ASTN2: variants seen among roughly 807,000 people sequenced by gnomAD.
ASTN2 encodes astrotactin 2, also known as astrotactin-2.
ASTN2 carries 54 observed loss-of-function variants against 139.8 expected under a neutral mutation model. That is an observed-to-expected ratio of 0.39 (90% CI 0.31 to 0.48). The LOEUF is 0.48. Ranked by LOEUF, ASTN2 falls within the 20% of genes least tolerant of loss-of-function variation. ASTN2 has a pLI of 0.95. For synonymous variants in ASTN2, 756 were observed against 719.5 expected (o/e 1.05, Z -0.81); for missense variants, 1,565 against 1,725.1 (o/e 0.91, Z 1.64).
intron 5 of ASTN2, among the ~76,000 whole-genome samples, chr9:117,093,672 G>A (rs1376894651): frequency 1.3e-5 from 2 of 152,112 alleles, no homozygotes; most frequent in African/African-American, 2.4e-5. Context: ...GAAGAATTGC[G>A]GGACTTGCAG....
At chr9:117,302,328 T>A (rs1208297060) in intron 1 of ASTN2, among the ~76,000 whole-genome samples, 1 of 152,072 alleles carries the variant, frequency 6.6e-6, no homozygotes, top group Non-Finnish European at 1.5e-5. Context: ...TTTACTAATA[T>A]GTTAAATAAG....
intron 22 of ASTN2, among the ~76,000 whole-genome samples, chr9:116,435,347 A>G (rs143964067): frequency 6.6e-6 from 1 of 152,292 alleles, no homozygotes; most frequent in African/African-American, 2.4e-5. Flanking sequence ...ATACTTGCTA[A>G]TCCTTGAAAG....
At chr9:116,426,416 G>A (rs1261732319) in intron 22 of ASTN2, among the ~76,000 whole-genome samples, 1 of 152,102 alleles carries the variant, frequency 6.6e-6, no homozygotes, top group African/African-American at 2.4e-5. Flanking sequence ...AAAGCAACAA[G>A]AACAACCAAA....
chr9:117,324,273 CAA>C (rs1828438461), intron 1 of ASTN2, among the ~76,000 whole-genome samples: 1 of 152,104 alleles, frequency 6.6e-6, no homozygotes, highest in Non-Finnish European at 1.5e-5. Flanking sequence ...ACAATAGATC[CAA>C]ATATGGATGG....
In ASTN2 at chr9:116,428,296, C is replaced by T. The variant is rs899102126; in HGVS notation, c.3783-2208G>A. Among the ~76,000 whole-genome samples the T allele has an allele frequency of 3.3e-5, 5 of 152,090 alleles. 1 individual carries two copies. The highest frequency in any genetic ancestry group is 2.1e-4 in the South Asian group (1 of 4,828). ...ATCCCAGCACTTTAGGAGGCCAAGG[C>T]GGGTGGATCACAAAGTCAGAAGTTC... is the stretch of plus-strand genomic sequence containing the variant. On this transcript the variant is annotated intron_variant, in intron 22 of 22. Coordinates refer to ENST00000313400, the MANE Select transcript of ASTN2 (RefSeq NM_001365068.1).
At chr9:116,518,227 C>A (rs542136647) in intron 19 of ASTN2, among the ~76,000 whole-genome samples, 3 of 152,186 alleles carry the variant, frequency 2.0e-5, no homozygotes, top group Non-Finnish European at 2.9e-5. Flanking sequence ...AAAATCAGGA[C>A]AAAGGAAAGA....
At chr9:116,938,555 C>A (rs953218696) in intron 10 of ASTN2, among the ~76,000 whole-genome samples, 26 of 152,138 alleles carry the variant, frequency 1.7e-4, no homozygotes, top group Non-Finnish European at 2.9e-4. Context: ...CAATACCCCC[C>A]ACTCCAAAGC....
intron 1 of ASTN2, among the ~76,000 whole-genome samples, chr9:117,339,976 G>T (rs1260874909): frequency 6.6e-6 from 1 of 151,782 alleles, no homozygotes; most frequent in Non-Finnish European, 1.5e-5. Context: ...GGGAACTGAG[G>T]CCTGTTGAGG....
rs375539172 is a variant in ASTN2 at position 116,437,538 on chromosome 9, G to A, written c.3782+3071C>T. The A allele has an allele frequency of 6.3e-4, 297 of 471,248 alleles. 1 individual carries two copies. Among genetic ancestry groups the A allele is most frequent in the African/African-American group, 3.7e-3 (186 of 50,170 alleles). The allele number at this position is 471,248 out of a possible 1,614,324, so 29.2% of individuals were successfully genotyped here. On this transcript the variant is annotated intron_variant, in intron 22 of 22. Transcript: ENST00000313400. ...ATTGCCTGGCCTCTGTGGGCGGCCC[G>A]GCCGCCTTTCCAGAAGATTTATGTC...
At chr9:116,858,387 C>T (rs1302162044) in intron 11 of ASTN2, among the ~76,000 whole-genome samples, 1 of 152,166 alleles carries the variant, frequency 6.6e-6, no homozygotes, top group East Asian at 1.9e-4. Context: ...CAAAAGGCTT[C>T]CTGTGCTGGG....
At chr9:117,405,060 G>A (rs1411635025) in intron 1 of ASTN2, among the ~76,000 whole-genome samples, 2 of 152,174 alleles carry the variant, frequency 1.3e-5, no homozygotes, top group East Asian at 1.9e-4. Context: ...AAAGGGGCCT[G>A]GGGAGCTGCT....
intron 5 of ASTN2, among the ~76,000 whole-genome samples, chr9:117,064,759 T>C (rs1393647800): frequency 6.6e-6 from 1 of 151,774 alleles, no homozygotes; most frequent in Non-Finnish European, 1.5e-5. Flanking sequence ...AATCTATCCA[T>C]GTCATAAAAC....
chr9:116,530,074 T>TGGA (rs1851257048), intron 19 of ASTN2, among the ~76,000 whole-genome samples: 1 of 133,726 alleles, frequency 7.5e-6, no homozygotes. Flanking sequence ...TATTCATCAG[T>TGGA]GGATGAATGG....
At chr9:116,707,887 G>A (rs1186525706) in intron 16 of ASTN2, among the ~76,000 whole-genome samples, 1 of 152,106 alleles carries the variant, frequency 6.6e-6, no homozygotes, top group Non-Finnish European at 1.5e-5. Context: ...ATGTTAGGAA[G>A]ACAAATAGAT....
At chr9:117,371,657 G>C (rs1487936157) in intron 1 of ASTN2, among the ~76,000 whole-genome samples, 1 of 152,142 alleles carries the variant, frequency 6.6e-6, no homozygotes, top group Non-Finnish European at 1.5e-5. Context: ...TCATCTCATA[G>C]GGTTGTCGTG....
At chr9:116,910,533 C>T (rs536424271) in intron 10 of ASTN2, among the ~76,000 whole-genome samples, 20 of 152,314 alleles carry the variant, frequency 1.3e-4, no homozygotes, top group African/African-American at 4.6e-4. Context: ...CTGATTACAA[C>T]CCCCATCTTT....
At chr9:116,696,240 C>T (rs1860845834) in intron 16 of ASTN2, among the ~76,000 whole-genome samples, 1 of 152,114 alleles carries the variant, frequency 6.6e-6, no homozygotes, top group East Asian at 1.9e-4. Context: ...TTACTCTATT[C>T]CCCATATATA....
intron 4 of ASTN2, among the ~76,000 whole-genome samples, chr9:117,117,415 A>G (rs76019386): frequency 0.14 from 20,285 of 149,378 alleles, 1,529 homozygotes; most frequent in East Asian, 0.2. Flanking sequence ...AAAAAACGCA[A>G]CTCCACTAAT....
intron 16 of ASTN2, among the ~76,000 whole-genome samples, chr9:116,723,456 C>T (rs935453952): frequency 2.0e-5 from 3 of 152,162 alleles, no homozygotes; most frequent in Non-Finnish European, 4.4e-5. Context: ...CACCCTCCAT[C>T]CCACTTCAGC....
Sources: allele counts gnomAD v4.1 joint callset (sites outside exome capture counted in the v4.1 genomes callset), GRCh38; gene constraint gnomAD v4.1.1; transcripts MANE v1.5; gene names NCBI Gene and HGNC (gene_info 2026-07-23, HGNC 2026-07-21).